SENP2: variants seen among roughly 807,000 people sequenced by gnomAD.
SENP2 encodes SUMO specific peptidase 2, also known as sentrin-specific protease 2.
In SENP2, 16 loss-of-function variants were observed where a neutral mutation model predicts 86.3. The ratio of observed to expected loss-of-function variants is 0.19; its 90% CI spans 0.13 to 0.28. The LOEUF (loss-of-function observed/expected upper bound fraction) is 0.28, where lower values mean the gene tolerates loss of function less well. Ranked by LOEUF, SENP2 falls within the 10% of genes least tolerant of loss-of-function variation. The pLI, the probability that SENP2 is intolerant of heterozygous loss-of-function variation, is 1.00. For synonymous variants in SENP2, 222 were observed against 238.7 expected (o/e 0.93, Z 0.64); for missense variants, 552 against 703.0 (o/e 0.79, Z 2.43).
At chr3:185,626,913 T>C (rs1025901137) in intron 16 of SENP2, among the ~76,000 whole-genome samples, 8 of 151,026 alleles carry the variant, frequency 5.3e-5, no homozygotes, top group Admixed American at 4.6e-4. Context: ...ATGTCTCTAC[T>C]AAAAATACAA....
chr3:185,629,736 G>A (rs1273371254), intron 16 of SENP2, 46 bp from the exon 17 acceptor site: 1 of 1,583,542 alleles, frequency 6.3e-7, no homozygotes, highest in African/African-American at 1.3e-5. Context: ...GTGCTGCCAT[G>A]CACATTAATA....
At chr3:185,624,174 C>G (rs940454515) in intron 15 of SENP2, 92 bp downstream of exon 15, 2 of 760,976 alleles carry the variant, frequency 2.6e-6, no homozygotes, top group African/African-American at 1.8e-5. Flanking sequence ...CTTCCTCCCT[C>G]CCTGCATGCT....
In SENP2 at chr3:185,606,431, C is replaced by A. The variant is rs1481789393; in HGVS notation, c.551C>A (p.Ala184Asp). ...SSLMWKPQEQAVTEMISEESG... is the reference protein window; with the variant it reads ...SSLMWKPQEQDVTEMISEESG... ...TTAATGTGGAAACCTCAGGAACAGG[C>A]TGTAACAGAGATGATTTCTGAAGAG... is the stretch of plus-strand genomic sequence containing the variant. Residue 184 changes from alanine to aspartate, a missense_variant, in exon 6 of 17, where the codon GCT becomes GAT. Coordinates refer to ENST00000296257, the MANE Select transcript of SENP2 (RefSeq NM_021627.3). 6.2e-7 allele frequency: 1 copy of A among 1,613,854 alleles called. No individual in the cohort carries two copies. Among genetic ancestry groups the A allele is most frequent in the Admixed American group, 1.7e-5 (1 of 59,970 alleles).
Position 185,625,562 on chromosome 3 carries a change from C to T in SENP2, c.1612-736C>T, listed in dbSNP as rs896461850. On this transcript the variant is annotated intron_variant, in intron 15 of 16. Coordinates refer to ENST00000296257, the MANE Select transcript of SENP2 (RefSeq NM_021627.3). ...ACTGCCAAGATTAGGGCAACACAGG[C>T]CTGGAGAAGGTGTGAGCTCAGTGGG... Among the ~76,000 whole-genome samples the T allele has an allele frequency of 4.7e-4, 72 of 152,070 alleles. 1 individual carries two copies. The highest frequency in any genetic ancestry group is 1.6e-3 in the African/African-American group (66 of 41,410).
chr3:185,632,224 G>GTTTTTTTTTTTTTTT lies in SENP2; in HGVS notation c.*2392_*2393insTTTTTTTTTTTTTTT, dbSNP rs766556308. The GTTTTTTTTTTTTTTT allele has an allele frequency of 4.2e-4, 30 of 71,894 alleles. 1 individual carries two copies. Among genetic ancestry groups the GTTTTTTTTTTTTTTT allele is most frequent in the Non-Finnish European group, 5.6e-4 (19 of 34,106 alleles). The allele number at this position is 71,894 out of a possible 1,614,324, so 4.5% of individuals were successfully genotyped here. On this transcript the variant is annotated 3_prime_UTR_variant, in exon 17 of 17. Coordinates refer to ENST00000296257, the MANE Select transcript of SENP2 (RefSeq NM_021627.3). ...CATTAAAGCCAGTGGTTTTTTTTTT[G>GTTTTTTTTTTTTTTT]TTTTTTTTTTTTGTTTTTTTTTTTT...
intron 11 of SENP2, among the ~76,000 whole-genome samples, chr3:185,616,283 C>T (rs1476373038): frequency 5.6e-5 from 8 of 142,496 alleles, no homozygotes; most frequent in South Asian, 2.3e-4. Flanking sequence ...CCAGCCTGGC[C>T]AGCATGGTGA....
At chr3:185,626,148 T>C (rs1297385845) in intron 15 of SENP2, 150 bp from the exon 16 acceptor site, 10 of 584,446 alleles carry the variant, frequency 1.7e-5, no homozygotes, top group Non-Finnish European at 3.0e-5. Flanking sequence ...AATAATTGTG[T>C]TTTTTGTATA....
In SENP2 at chr3:185,621,993, A is replaced by G. The variant is rs928742838; in HGVS notation, c.1526+88A>G. On this transcript the variant is annotated intron_variant, in intron 14 of 16. Transcript: ENST00000296257. ...AGGAAGCTGTGTGGATGGTAGTCTAATGTGTAGTTAAGGCTATTTCAGGAC... is the reference window on the plus strand; with the variant it reads ...AGGAAGCTGTGTGGATGGTAGTCTAGTGTGTAGTTAAGGCTATTTCAGGAC... 7 of 782,784 alleles carry G rather than the reference A, an allele frequency of 8.9e-6. No homozygotes were observed. In the African/African-American group the frequency reaches 1.2e-4, roughly 14 times the overall value. 48.5% of individuals were successfully genotyped at this position (782,784 alleles called of 1,614,324 possible).
At position 185,632,393 on chromosome 3, in the gene SENP2, C is replaced by G. The variant is rs1405751570; in HGVS notation, c.*2549C>G. ...GGGATTACAGGTGCCCACCACCACA[C>G]CCTGCTAATTTTTGTACTTTTAGTA... is the stretch of plus-strand genomic sequence containing the variant. On this transcript the variant is annotated 3_prime_UTR_variant, in exon 17 of 17. Coordinates refer to ENST00000296257, the MANE Select transcript of SENP2 (RefSeq NM_021627.3). The G allele has an allele frequency of 6.6e-6, 1 of 151,058 alleles. No individual in the cohort carries two copies. The highest frequency in any genetic ancestry group is 2.4e-5 in the African/African-American group (1 of 41,014). 9.4% of individuals were successfully genotyped at this position (151,058 alleles called of 1,614,324 possible). A position where few individuals can be genotyped will look rare whatever the true frequency, so the allele number is the denominator to read the frequency against.
At position 185,600,795 on chromosome 3, in the gene SENP2, A is replaced by G; in HGVS notation, c.389A>G (p.Tyr130Cys). 6.2e-7 allele frequency: 1 copy of G among 1,610,624 alleles called. No homozygotes were observed. Among genetic ancestry groups the G allele is most frequent in the Non-Finnish European group, 8.5e-7 (1 of 1,176,894 alleles). The part of the protein sequence containing the change: ...GNKSPNGISD[Y>C]PKIRVTVTRD... ...AAATCTCCTAATGGAATAAGTGACT[A>G]TCCAAAGATCAGAGTGACAGTTACC... Residue 130 changes from tyrosine to cysteine, a missense_variant, in exon 5 of 17, where the codon TAT (tyrosine) becomes TGT (cysteine). Coordinates refer to ENST00000296257, the MANE Select transcript of SENP2 (RefSeq NM_021627.3).
At position 185,586,462 on chromosome 3, in the gene SENP2, G is replaced by A. The variant is rs1458654842; in HGVS notation, c.49G>A (p.Asp17Asn). ...RILGTIFRFC[D>N]RSVPPARALL... ...TCTCGGCACCATTTTCCGTTTCTGC[G>A]ACCGGTCGGTGCCCCCTGCCCGGGC... Residue 17 changes from aspartate (D) to asparagine (N), a missense_variant, in exon 1 of 17, where the codon GAC becomes AAC. Asp to Asn is a conservative substitution (Grantham distance 23). Coordinates refer to ENST00000296257, the MANE Select transcript of SENP2 (RefSeq NM_021627.3). This position sits in a 1 kb window ranked among gnomAD's most constrained non-coding sequence, Gnocchi z 4.3. The A allele has an allele frequency of 1.2e-6, 2 of 1,613,946 alleles. No individual in the cohort carries two copies. Among genetic ancestry groups the A allele is most frequent in the South Asian group, 1.1e-5 (1 of 91,076 alleles).
intron 10 of SENP2, among the ~76,000 whole-genome samples, chr3:185,614,275 A>T (rs193007419): frequency 1.1e-4 from 17 of 152,306 alleles, no homozygotes; most frequent in African/African-American, 4.1e-4. Context: ...TAAACATACT[A>T]ATTTTAATTG....
intron 11 of SENP2, 127 bp from the exon 12 acceptor site, chr3:185,617,353 G>GAA (rs1711659786): frequency 1.6e-6 from 1 of 637,752 alleles, no homozygotes; most frequent in African/African-American, 1.9e-5. Flanking sequence ...GTAGGTCTTT[G>GAA]ATAGTATATT....
At chr3:185,618,022 G>A (rs1277171251) in intron 12 of SENP2, among the ~76,000 whole-genome samples, 4 of 152,176 alleles carry the variant, frequency 2.6e-5, no homozygotes, top group African/African-American at 4.8e-5. Flanking sequence ...TTGGCTCAGC[G>A]CAACCTCCAC....
intron 15 of SENP2, among the ~76,000 whole-genome samples, chr3:185,625,393 G>C (rs1275465276): frequency 1.3e-5 from 2 of 152,146 alleles, no homozygotes; most frequent in African/African-American, 2.4e-5. Flanking sequence ...TTACAGGCGT[G>C]AGCCACCGTA....
chr3:185,610,703 A>G (rs535849423), intron 7 of SENP2, among the ~76,000 whole-genome samples: 2 of 152,182 alleles, frequency 1.3e-5, no homozygotes, highest in South Asian at 2.1e-4. Flanking sequence ...CACACCTGTA[A>G]TCCCAGCACT....
rs369236428 is a variant in SENP2 at position 185,632,213 on chromosome 3, G to GTTTTTTT, written c.*2373_*2379dup. The GTTTTTTT allele has an allele frequency of 1.3e-4, 16 of 125,322 alleles. No homozygotes were observed. Among genetic ancestry groups the GTTTTTTT allele is most frequent in the Non-Finnish European group, 2.3e-4 (14 of 60,740 alleles). 7.8% of individuals were successfully genotyped at this position (125,322 alleles called of 1,614,324 possible). A position where few individuals can be genotyped will look rare whatever the true frequency, so the allele number is the denominator to read the frequency against. On this transcript the variant is annotated 3_prime_UTR_variant, in exon 17 of 17. Transcript: ENST00000296257. Reference sequence around the variant, plus strand: ...CAAATTATCACCATTAAAGCCAGTGGTTTTTTTTTTGTTTTTTTTTTTTGT... The same window carrying GTTTTTTT: ...CAAATTATCACCATTAAAGCCAGTGGTTTTTTTTTTTTTTTTTGTTTTTTTTTTTTGT...
intron 2 of SENP2, among the ~76,000 whole-genome samples, chr3:185,591,902 T>G (rs983797155): frequency 3.3e-5 from 5 of 151,880 alleles, no homozygotes; most frequent in Non-Finnish European, 5.9e-5. Context: ...CCTAGCTGAT[T>G]TTTGTATTTT....
Position 185,598,470 on chromosome 3 carries a change from C to T in SENP2, c.216C>T (p.Phe72=). 1 of 1,614,024 alleles carries T rather than the reference C, an allele frequency of 6.2e-7. No homozygotes were observed. The highest frequency in any genetic ancestry group is 8.5e-7 in the Non-Finnish European group (1 of 1,179,932). Residue 72 remains phenylalanine (F), a synonymous_variant, in exon 3 of 17, where the codon TTC becomes TTT. Coordinates refer to ENST00000296257, the MANE Select transcript of SENP2 (RefSeq NM_021627.3). ...SLYNAASLFG[F]PFQLTTKPMV... is the part of the protein sequence containing the mutation. ...ACAATGCTGCCAGCTTATTTGGATT[C>T]CCATTCCAGCTGACCACAAAGCCCA...
Sources: gnomAD v4.1 joint callset for allele counts (sites outside exome capture counted in the v4.1 genomes callset) on GRCh38, gnomAD v4.1.1 for gene constraint, Gnocchi (gnomAD v3.1) non-coding constraint, MANE v1.5 for transcripts, NCBI Gene and HGNC (gene_info 2026-07-23, HGNC 2026-07-21) for gene names.